The following LRRTM4 variants were observed in gnomAD, a reference collection of about 807,000 sequenced individuals.
LRRTM4 encodes leucine rich repeat transmembrane neuronal 4, also known as leucine-rich repeat transmembrane neuronal protein 4.
Under a neutral mutation model 47.6 loss-of-function variants are expected in LRRTM4, and 25 were observed. The observed-to-expected ratio is 0.53, with a 90% CI of 0.38 to 0.73. LRRTM4 has a LOEUF of 0.73. Ranked by LOEUF, LRRTM4 falls within the 30% of genes least tolerant of loss-of-function variation. The pLI is 0.00. For synonymous variants in LRRTM4, 311 were observed against 269.5 expected (o/e 1.15, Z -1.51); for missense variants, 638 against 713.4 (o/e 0.89, Z 1.20).
intron 3 of LRRTM4, among the ~76,000 whole-genome samples, chr2:76,783,069 A>T (rs1212516132): frequency 6.6e-6 from 1 of 152,190 alleles, no homozygotes; most frequent in Non-Finnish European, 1.5e-5. Context: ...AGGTGCAGGA[A>T]GTTGCAGTAC....
intron 3 of LRRTM4, among the ~76,000 whole-genome samples, chr2:76,857,948 C>T (rs1301913177): frequency 6.6e-6 from 1 of 152,098 alleles, no homozygotes; most frequent in Non-Finnish European, 1.5e-5. Flanking sequence ...CCAACAGGTA[C>T]TAGAGTGCAG....
At chr2:76,933,790 A>G (rs1372645751) in intron 3 of LRRTM4, among the ~76,000 whole-genome samples, 1 of 152,118 alleles carries the variant, frequency 6.6e-6, no homozygotes, top group African/African-American at 2.4e-5. Context: ...GAATCAATGA[A>G]TTATCCTTGC....
At chr2:77,299,273 AC>A (rs1677059885) in intron 3 of LRRTM4, among the ~76,000 whole-genome samples, 3 of 83,402 alleles carry the variant, frequency 3.6e-5, no homozygotes, top group African/African-American at 1.1e-4. Context: ...ACACACACAC[AC>A]ACACACACAC....
chr2:77,334,000 C>A (rs563379988), intron 3 of LRRTM4, among the ~76,000 whole-genome samples: 2 of 152,166 alleles, frequency 1.3e-5, no homozygotes, highest in Admixed American at 1.3e-4. Flanking sequence ...CAAAGGAGAT[C>A]ATTTTGGAGC....
intron 3 of LRRTM4, among the ~76,000 whole-genome samples, chr2:77,368,476 T>C (rs775620190): frequency 6.6e-6 from 1 of 151,808 alleles, no homozygotes; most frequent in Non-Finnish European, 1.5e-5. Flanking sequence ...TGATTAGCCT[T>C]CATTTAATCC....
chr2:77,219,050 C>T (rs557319707), intron 3 of LRRTM4, among the ~76,000 whole-genome samples: 62 of 152,254 alleles, frequency 4.1e-4, no homozygotes, highest in African/African-American at 1.3e-3. Context: ...CAGACTTTTG[C>T]TACAAAATTC....
intron 3 of LRRTM4, among the ~76,000 whole-genome samples, chr2:76,783,823 A>G (rs890988617): frequency 1.3e-5 from 2 of 152,102 alleles, no homozygotes; most frequent in Non-Finnish European, 2.9e-5. Flanking sequence ...GCAGTGCCGT[A>G]TATTTTAATT....
At chr2:77,178,833 C>A (rs1673271429) in intron 3 of LRRTM4, among the ~76,000 whole-genome samples, 1 of 151,974 alleles carries the variant, frequency 6.6e-6, no homozygotes. Context: ...AATATTTGCA[C>A]CAAAAGGTAT....
At chr2:76,838,272 T>C (rs1420123804) in intron 3 of LRRTM4, among the ~76,000 whole-genome samples, 1 of 152,056 alleles carries the variant, frequency 6.6e-6, no homozygotes, top group African/African-American at 2.4e-5. Flanking sequence ...GGTTGACTTA[T>C]ACTGAAGCAC....
intron 3 of LRRTM4, among the ~76,000 whole-genome samples, chr2:77,487,949 C>T (rs1443786782): frequency 6.6e-6 from 1 of 152,262 alleles, no homozygotes; most frequent in African/African-American, 2.4e-5. Flanking sequence ...CTCAATCACC[C>T]TCCAGTTGTC....
chr2:77,309,636 G>T (rs1192614318), intron 3 of LRRTM4, among the ~76,000 whole-genome samples: 1 of 152,032 alleles, frequency 6.6e-6, no homozygotes, highest in African/African-American at 2.4e-5. Context: ...CAACATGACT[G>T]CAGTAGAATC....
chr2:77,519,039 G>C lies in LRRTM4; in HGVS notation c.830C>G (p.Pro277Arg). ...ATCCAAATTCAATTTTTGTAAATTG[G>C]GGAGGCATTTAAATGTGCCCGGCTC... ...GIEPGTFKCLPNLQKLNLDSN... is the reference protein window; with the variant it reads ...GIEPGTFKCLRNLQKLNLDSN... Residue 277 changes from proline (P) to arginine (R), a missense_variant, in exon 3 of 4, where the codon CCC becomes CGC. Coordinates refer to ENST00000409884, the MANE Select transcript of LRRTM4 (RefSeq NM_001134745.3). This position sits in a 1 kb window ranked among gnomAD's most constrained non-coding sequence, Gnocchi z 4.6. 1 of 1,612,082 alleles carries C rather than the reference G, an allele frequency of 6.2e-7. No homozygotes were observed. The highest frequency in any genetic ancestry group is 8.5e-7 in the Non-Finnish European group (1 of 1,179,030).
intron 3 of LRRTM4, among the ~76,000 whole-genome samples, chr2:77,478,789 G>C (rs903226413): frequency 1.3e-5 from 2 of 152,180 alleles, no homozygotes; most frequent in Non-Finnish European, 2.9e-5. Context: ...AATTGCCACA[G>C]ATGTATTCAG....
chr2:77,389,735 C>T (rs866232172), intron 3 of LRRTM4, among the ~76,000 whole-genome samples: 4 of 152,140 alleles, frequency 2.6e-5, no homozygotes, highest in Middle Eastern at 3.4e-3. Flanking sequence ...CCTCCCACCC[C>T]ATCACCCCAC....
intron 3 of LRRTM4, among the ~76,000 whole-genome samples, chr2:77,468,288 T>C (rs1164668557): frequency 1.3e-5 from 2 of 152,186 alleles, no homozygotes; most frequent in Non-Finnish European, 2.9e-5. Context: ...GTGACAAATA[T>C]TTAATTTTCA....
chr2:76,970,974 A>T (rs1002691649), intron 3 of LRRTM4, among the ~76,000 whole-genome samples: 1 of 151,934 alleles, frequency 6.6e-6, no homozygotes, highest in Non-Finnish European at 1.5e-5. Context: ...GTACCCCTCT[A>T]CTCAAAGTAT....
At chr2:77,395,618 C>G (rs946367436) in intron 3 of LRRTM4, among the ~76,000 whole-genome samples, 2 of 151,886 alleles carry the variant, frequency 1.3e-5, no homozygotes, top group African/African-American at 2.4e-5. Flanking sequence ...ATAAGTTGCT[C>G]TGATGCTTTC....
At chr2:77,155,127 G>A (rs1672525442) in intron 3 of LRRTM4, among the ~76,000 whole-genome samples, 2 of 151,922 alleles carry the variant, frequency 1.3e-5, no homozygotes, top group African/African-American at 2.4e-5. Flanking sequence ...CAGTTGCATG[G>A]CAGCAATGTA....
chr2:76,865,156 G>A (rs1672430613), intron 3 of LRRTM4, among the ~76,000 whole-genome samples: 1 of 152,100 alleles, frequency 6.6e-6, no homozygotes, highest in South Asian at 2.1e-4. Context: ...GTTTTAAGAA[G>A]TCATTTATCA....
Sources: gnomAD v4.1 joint callset for allele counts (sites outside exome capture counted in the v4.1 genomes callset) on GRCh38, gnomAD v4.1.1 for gene constraint, Gnocchi (gnomAD v3.1) non-coding constraint, MANE v1.5 for transcripts, NCBI Gene and HGNC (gene_info 2026-07-23, HGNC 2026-07-21) for gene names.